MERTK: variants seen among roughly 807,000 people sequenced by gnomAD.
MERTK encodes the protein MER proto-oncogene, tyrosine kinase.
A neutral mutation model predicts 99.3 loss-of-function variants in MERTK; 69 were observed. The observed-to-expected ratio is 0.70, with a 90% CI of 0.57 to 0.85. MERTK has a LOEUF of 0.85. Ranked by LOEUF, MERTK falls within the 40% of genes least tolerant of loss-of-function variation. The pLI, the probability that MERTK is intolerant of heterozygous loss-of-function variation, is 0.00. For synonymous variants in MERTK, 426 were observed against 467.6 expected, an observed-to-expected ratio of 0.91 and a Z score of 1.15; for missense variants, 1,125 against 1,249.4, an observed-to-expected ratio of 0.90 and a Z score of 1.50.
chr2:112,017,489 G>A (rs938790953), intron 15 of MERTK, among the ~76,000 whole-genome samples: 2 of 152,178 alleles, frequency 1.3e-5, no homozygotes, highest in East Asian at 1.9e-4. Flanking sequence ...AATTACCCGG[G>A]CGTGGTGGTG....
At chr2:111,949,581 A>G (rs1685019964) in intron 4 of MERTK, among the ~76,000 whole-genome samples, 1 of 152,214 alleles carries the variant, frequency 6.6e-6, no homozygotes. Flanking sequence ...TCCCATAAAG[A>G]CTTATTTTCA....
intron 4 of MERTK, among the ~76,000 whole-genome samples, chr2:111,956,790 T>C (rs755694970): frequency 6.6e-5 from 10 of 151,822 alleles, no homozygotes; most frequent in Non-Finnish European, 1.3e-4. Flanking sequence ...GCGCCCCAAG[T>C]AGCTAGGACT....
chr2:111,997,084 C>T (rs1367401883), intron 9 of MERTK: 5 of 650,752 alleles, frequency 7.7e-6, no homozygotes, highest in South Asian at 3.0e-5. Context: ...CTGTGGAGTA[C>T]AGTGTGACAT....
Position 111,929,327 on chromosome 2 carries a change from C to G in MERTK, c.269C>G (p.Pro90Arg), listed in dbSNP as rs199912096. The change falls in exon 2 of 19, where the codon CCC becomes CGC. Residue 90 changes from proline (P) to arginine (R), a missense_variant. Physicochemically the swap from Pro to Arg is moderately radical, Grantham distance 103. Transcript: ENST00000295408. ...CAGGTGACCTCTGTCGAATCAAAGC[C>G]CCTACCGCCTCTTGCCTTCAAACAC... Reference protein sequence around the residue: ...IPQVTSVESKPLPPLAFKHTV... With the variant: ...IPQVTSVESKRLPPLAFKHTV... The G allele has an allele frequency of 1.2e-6, 2 of 1,614,152 alleles. No homozygotes were observed. The highest frequency in any genetic ancestry group is 1.7e-6 in the Non-Finnish European group (2 of 1,180,016).
At chr2:111,899,206 C>G (rs896900811) in intron 1 of MERTK, among the ~76,000 whole-genome samples, 1 of 152,212 alleles carries the variant, frequency 6.6e-6, no homozygotes, top group African/African-American at 2.4e-5. Context: ...GGGCCCCGCT[C>G]TGGCCGGAGT....
chr2:111,968,372 G>T, intron 6 of MERTK, 120 bp downstream of exon 6: 1 of 776,016 alleles, frequency 1.3e-6, no homozygotes, highest in Admixed American at 2.0e-5. Context: ...AGAGTCCCCT[G>T]ACCTCCCTGC....
At position 111,929,123 on chromosome 2, in the gene MERTK, T is replaced by A; in HGVS notation, c.65T>A (p.Ile22Asn). Residue 22 changes from isoleucine (I) to asparagine (N), a missense_variant, in exon 2 of 19, where the codon ATC becomes AAC. By Grantham distance (149) the Ile-to-Asn change is moderately radical. Transcript: ENST00000295408. ...ATTTGGATGTTCTGTTTTACAGCTA[T>A]CACTGAGGCAAGGGAAGAAGCCAAG... is the stretch of plus-strand genomic sequence containing the variant. Reference protein sequence around the residue: ...LFLPALWRRAITEAREEAKPY... With the variant: ...LFLPALWRRANTEAREEAKPY... The A allele has an allele frequency of 6.2e-7, 1 of 1,614,180 alleles. No individual in the cohort carries two copies. Among genetic ancestry groups the A allele is most frequent in the Non-Finnish European group, 8.5e-7 (1 of 1,180,028 alleles).
intron 1 of MERTK, among the ~76,000 whole-genome samples, chr2:111,917,082 G>A (rs1684364782): frequency 6.6e-6 from 1 of 152,196 alleles, no homozygotes; most frequent in Admixed American, 6.5e-5. Context: ...TAGGGGGAAG[G>A]ATGGCCTCCT....
intron 4 of MERTK, among the ~76,000 whole-genome samples, chr2:111,951,142 G>A (rs1320905721): frequency 2.6e-5 from 4 of 151,760 alleles, no homozygotes; most frequent in East Asian, 1.9e-4. Flanking sequence ...TTCGGGGGGC[G>A]GGGAGGGAGG....
chr2:111,903,715 G>A (rs116281546), intron 1 of MERTK, among the ~76,000 whole-genome samples: 2,795 of 152,262 alleles, frequency 0.018, 79 homozygotes, highest in African/African-American at 0.063. Flanking sequence ...AGTGTTAACC[G>A]GGACTGGCTT....
Position 112,028,708 on chromosome 2 carries a change from A to G in MERTK, c.2844A>G (p.Ala948=), listed in dbSNP as rs763063796. 28 of 1,614,098 alleles carry G rather than the reference A, an allele frequency of 1.7e-5. No homozygotes were observed. Among genetic ancestry groups the G allele is most frequent in the Middle Eastern group, 1.6e-4 (1 of 6,084 alleles). ...WEDLTSAPSA[A]VTAEKNSVLP... is the part of the protein sequence containing the mutation. The stretch of plus-strand genomic sequence containing the variant: ...ATCTGACTTCTGCCCCCTCTGCTGC[A>G]GTCACAGCTGAAAAGAACAGTGTTT... Residue 948 remains alanine (A), a synonymous_variant, in exon 19 of 19, where the codon GCA becomes GCG. Coordinates refer to ENST00000295408, the MANE Select transcript of MERTK (RefSeq NM_006343.3).
rs1684618878 is a variant in MERTK, at chr2:111,928,984, T to G, written c.62-136T>G. 7.3e-6 allele frequency: 6 copies of G among 825,008 alleles called. No homozygotes were observed. In the Admixed American group the frequency reaches 1.1e-4, roughly 15 times the overall value. The allele number at this position is 825,008 out of a possible 1,614,324, so 51.1% of individuals were successfully genotyped here. On this transcript the variant is annotated intron_variant, in intron 1 of 18. Coordinates refer to ENST00000295408, the MANE Select transcript of MERTK (RefSeq NM_006343.3). ...TAAGAATATGTCCAGATGTGTGTGTTAATGAATTCTGCTTATCTTTTCCTG... is the reference window on the plus strand; with the variant it reads ...TAAGAATATGTCCAGATGTGTGTGTGAATGAATTCTGCTTATCTTTTCCTG...
intron 1 of MERTK, among the ~76,000 whole-genome samples, chr2:111,924,107 A>G (rs1573573712): frequency 6.6e-6 from 1 of 152,262 alleles, no homozygotes; most frequent in African/African-American, 2.4e-5. Flanking sequence ...CACCAATCTC[A>G]CCAGCCACGT....
chr2:111,967,988 C>A, intron 5 of MERTK, 149 bp from the exon 6 acceptor site: 1 of 694,778 alleles, frequency 1.4e-6, no homozygotes, highest in Admixed American at 2.0e-5. Context: ...TACCCTCAGG[C>A]ATAGGGAGGC....
At position 112,029,192 on chromosome 2, in the gene MERTK, TC is replaced by T; in HGVS notation, c.*329del. On this transcript the variant is annotated 3_prime_UTR_variant, in exon 19 of 19. Coordinates refer to ENST00000295408, the MANE Select transcript of MERTK (RefSeq NM_006343.3). ...TTTGTACAGAGTTGAAGTTGTTTTT[TC>T]AAGTTCTTTTCTTTTTCATGACTAT... The T allele has an allele frequency of 9.9e-7, 1 of 1,015,054 alleles. No individual in the cohort carries two copies. 62.9% of individuals were successfully genotyped at this position (1,015,054 alleles called of 1,614,324 possible).
In MERTK at chr2:112,001,214, G is replaced by A. The variant is rs113485015; in HGVS notation, c.1618G>A (p.Glu540Lys). Reference sequence around the variant, plus strand: ...TCATTCACCCAGGAATGCATTCACAGAGGAGGATTCTGAATTAGTGGTGAA... The same window carrying A: ...TCATTCACCCAGGAATGCATTCACAAAGGAGGATTCTGAATTAGTGGTGAA... ...QETKFGNAFT[E>K]EDSELVVNYI... is the part of the protein sequence containing the mutation. The change falls in exon 11 of 19, where the codon GAG (glutamate) becomes AAG (lysine). Residue 540 changes from glutamate to lysine, a missense_variant. Transcript: ENST00000295408. 1.3e-3 allele frequency: 2,084 copies of A among 1,613,128 alleles called. 31 individuals carry two copies. The African/African-American group carries it at 0.024, about 19-fold the overall frequency.
At chr2:111,933,820 A>G (rs1684716733) in intron 2 of MERTK, among the ~76,000 whole-genome samples, 1 of 151,980 alleles carries the variant, frequency 6.6e-6, no homozygotes, top group African/African-American at 2.4e-5. Flanking sequence ...TGCTACACCC[A>G]TCAACCCATC....
chr2:112,010,117 T>G, intron 15 of MERTK, 51 bp downstream of exon 15: 1 of 1,330,222 alleles, frequency 7.5e-7, no homozygotes. Context: ...CTTATGTGAC[T>G]TAGCCAGGAC....
chr2:112,020,208 C>T (rs1292699722), intron 16 of MERTK, among the ~76,000 whole-genome samples: 1 of 152,186 alleles, frequency 6.6e-6, no homozygotes, highest in Non-Finnish European at 1.5e-5. Context: ...CCTAGGGCTC[C>T]TACCTCTTTC....
Sources: allele counts gnomAD v4.1 joint callset (sites outside exome capture counted in the v4.1 genomes callset), GRCh38; gene constraint gnomAD v4.1.1; transcripts MANE v1.5; gene names NCBI Gene and HGNC (gene_info 2026-07-23, HGNC 2026-07-21).